The following CLSTN2 variants were observed in gnomAD, a reference collection of about 807,000 sequenced individuals.
CLSTN2 encodes the protein calsyntenin-2.
Under a neutral mutation model 101.2 loss-of-function variants are expected in CLSTN2, and 48 were observed. The observed-to-expected ratio is 0.47, with a 90% CI of 0.38 to 0.60. The LOEUF (loss-of-function observed/expected upper bound fraction) is 0.60, where lower values mean the gene tolerates loss of function less well. CLSTN2 is among the 20% of genes least tolerant of loss of function. The pLI, the probability that CLSTN2 is intolerant of heterozygous loss-of-function variation, is 0.00. For synonymous variants in CLSTN2, 481 were observed against 463.6 expected, an observed-to-expected ratio of 1.04 and a Z score of -0.48; for missense variants, 1,160 against 1,238.2, an observed-to-expected ratio of 0.94 and a Z score of 0.95.
chr3:140,407,999 A>C (rs892839356), intron 4 of CLSTN2, among the ~76,000 whole-genome samples: 2 of 152,222 alleles, frequency 1.3e-5, no homozygotes, highest in Admixed American at 6.5e-5. Flanking sequence ...CCCAGCCTTC[A>C]TTCCCCGACA....
rs779581380 is a variant in CLSTN2 at position 140,568,156 on chromosome 3, T to C, written c.*1903T>C. On this transcript the variant is annotated 3_prime_UTR_variant, in exon 17 of 17. Coordinates refer to ENST00000458420, the MANE Select transcript of CLSTN2 (RefSeq NM_022131.3). ...CACTCCTGGTGCAGGATTCTACTTA[T>C]GTTCATAGGTATGCACCTAACAGAC... 1 of 152,282 alleles carries C rather than the reference T, an allele frequency of 6.6e-6. No homozygotes were observed. Among genetic ancestry groups the C allele is most frequent in the Non-Finnish European group, 1.5e-5 (1 of 68,064 alleles). The allele number at this position is 152,282 out of a possible 1,614,324, so 9.4% of individuals were successfully genotyped here.
intron 2 of CLSTN2, among the ~76,000 whole-genome samples, chr3:140,343,879 C>G (rs539514919): frequency 6.6e-6 from 1 of 152,252 alleles, no homozygotes; most frequent in South Asian, 2.1e-4. Context: ...TGGCAGAGGA[C>G]TAGCTGGTTT....
chr3:140,076,937 A>G (rs2008502954), intron 1 of CLSTN2, among the ~76,000 whole-genome samples: 1 of 152,030 alleles, frequency 6.6e-6, no homozygotes, highest in Non-Finnish European at 1.5e-5. Context: ...TGCTCAGCAC[A>G]CACAATATGC....
chr3:140,369,684 G>A, intron 2 of CLSTN2, among the ~76,000 whole-genome samples: 1 of 152,180 alleles, frequency 6.6e-6, no homozygotes, highest in Middle Eastern at 3.2e-3. Context: ...TGCTGCTCCT[G>A]TGGCCACAGC....
intron 2 of CLSTN2, among the ~76,000 whole-genome samples, chr3:140,274,126 T>C (rs1271853767): frequency 6.6e-6 from 1 of 152,172 alleles, no homozygotes; most frequent in Non-Finnish European, 1.5e-5. Flanking sequence ...ACATTGATCT[T>C]ACCACACAGG....
At chr3:140,476,190 T>C (rs1933979365) in intron 8 of CLSTN2, among the ~76,000 whole-genome samples, 1 of 152,208 alleles carries the variant, frequency 6.6e-6, no homozygotes, top group African/African-American at 2.4e-5. Context: ...AAAAAATTGG[T>C]AAAATTGAAT....
chr3:140,455,236 C>T (rs1026700609), intron 6 of CLSTN2, among the ~76,000 whole-genome samples: 3 of 152,172 alleles, frequency 2.0e-5, no homozygotes, highest in African/African-American at 4.8e-5. Context: ...CTGAGATTCC[C>T]CACTTATCCC....
At chr3:140,411,691 C>G (rs2088365634) in intron 4 of CLSTN2, among the ~76,000 whole-genome samples, 1 of 152,324 alleles carries the variant, frequency 6.6e-6, no homozygotes, top group East Asian at 1.9e-4. Flanking sequence ...TCAAGTTTCT[C>G]TACCAAGCTA....
intron 4 of CLSTN2, among the ~76,000 whole-genome samples, chr3:140,413,211 T>C (rs1319711934): frequency 6.6e-6 from 1 of 151,972 alleles, no homozygotes; most frequent in Non-Finnish European, 1.5e-5. Flanking sequence ...GAGAAGACAT[T>C]ACAACTGATA....
In CLSTN2 at chr3:140,353,037, A is replaced by G. The variant is rs1184191402; in HGVS notation, c.233-50592A>G. Among the ~76,000 whole-genome samples, 7 of 152,132 alleles carry G rather than the reference A, an allele frequency of 4.6e-5. 1 individual carries two copies. The highest frequency in any genetic ancestry group is 1.0e-4 in the Non-Finnish European group (7 of 68,024). On this transcript the variant is annotated intron_variant, in intron 2 of 16. Coordinates refer to ENST00000458420, the MANE Select transcript of CLSTN2 (RefSeq NM_022131.3). ...ACAATATAGCATAACAGCTATTTAC[A>G]TGGGATTTATATTGTATCAGATATT...
chr3:140,422,523 G>C lies in CLSTN2; in HGVS notation c.787+1249G>C, dbSNP rs1278619160. Among the ~76,000 whole-genome samples the C allele has an allele frequency of 2.0e-5, 3 of 152,106 alleles. No homozygotes were observed. In the East Asian group the frequency reaches 5.8e-4, roughly 29 times the overall value. ...AACTTAAAACTGAAAAGATCGGAAG[G>C]GGTAATTTAACCCACCTCTGGAGAG... On this transcript the variant is annotated intron_variant, in intron 5 of 16. Transcript: ENST00000458420.
chr3:140,164,415 T>A (rs2107821734), intron 1 of CLSTN2, among the ~76,000 whole-genome samples: 1 of 152,308 alleles, frequency 6.6e-6, no homozygotes, highest in South Asian at 2.1e-4. Context: ...AAAGTGCTAG[T>A]CACCAATGAG....
intron 4 of CLSTN2, among the ~76,000 whole-genome samples, chr3:140,414,388 G>A (rs535942366): frequency 1.3e-5 from 2 of 152,148 alleles, no homozygotes; most frequent in African/African-American, 4.8e-5. Context: ...AGAAAACGTA[G>A]AAGACACAAA....
chr3:140,490,682 T>A (rs6786832), intron 8 of CLSTN2, among the ~76,000 whole-genome samples: 9,597 of 151,800 alleles, frequency 0.063, 369 homozygotes, highest in Non-Finnish European at 0.093. Flanking sequence ...ATTCTGTGAC[T>A]TCTCACTTAA....
chr3:140,189,361 C>T (rs988649204), intron 2 of CLSTN2, among the ~76,000 whole-genome samples: 2 of 152,144 alleles, frequency 1.3e-5, no homozygotes, highest in East Asian at 3.8e-4. Context: ...TTTTACTTTC[C>T]CACCGGCAGT....
intron 10 of CLSTN2, among the ~76,000 whole-genome samples, chr3:140,555,061 C>T (rs1935768823): frequency 6.6e-6 from 1 of 152,204 alleles, no homozygotes; most frequent in African/African-American, 2.4e-5. Flanking sequence ...GCTCATACTT[C>T]ATGTCCATTA....
chr3:140,487,456 C>T (rs925683977), intron 8 of CLSTN2, among the ~76,000 whole-genome samples: 3 of 152,196 alleles, frequency 2.0e-5, no homozygotes, highest in Non-Finnish European at 2.9e-5. Flanking sequence ...CATAGTTTGA[C>T]CTCCCCTTCT....
At chr3:140,217,046 A>G (rs2010929942) in intron 2 of CLSTN2, among the ~76,000 whole-genome samples, 1 of 152,162 alleles carries the variant, frequency 6.6e-6, no homozygotes, top group East Asian at 1.9e-4. Flanking sequence ...CGCTGCTGAA[A>G]TGATCAGGGT....
chr3:140,226,139 G>T (rs975001278), intron 2 of CLSTN2, among the ~76,000 whole-genome samples: 1 of 152,162 alleles, frequency 6.6e-6, no homozygotes, highest in Non-Finnish European at 1.5e-5. Flanking sequence ...CATACATGCT[G>T]CATGATTCCA....
Sources: allele counts gnomAD v4.1 joint callset (sites outside exome capture counted in the v4.1 genomes callset), GRCh38; gene constraint gnomAD v4.1.1; transcripts MANE v1.5; gene names NCBI Gene and HGNC (gene_info 2026-07-23, HGNC 2026-07-21).